CPEB2: variants seen among roughly 807,000 people sequenced by gnomAD.
The protein encoded by CPEB2 is cytoplasmic polyadenylation element binding protein 2, also known as cytoplasmic polyadenylation element-binding protein 2.
In CPEB2, 56 loss-of-function variants were observed where a neutral mutation model predicts 93.6. That is an observed-to-expected ratio of 0.60 (90% confidence interval 0.48 to 0.75). The LOEUF is 0.75. CPEB2 is among the 30% of genes least tolerant of loss of function. The pLI is 0.00. For missense variants in CPEB2, 1,579 were observed against 1,395.1 expected (o/e 1.13, Z -2.10); for synonymous variants, 764 against 586.3 (o/e 1.30, Z -4.38).
intron 11 of CPEB2, among the ~76,000 whole-genome samples, chr4:15,064,402 A>G (rs913862837): frequency 5.9e-5 from 9 of 152,078 alleles, no homozygotes; most frequent in African/African-American, 1.9e-4. Context: ...TTAGCTTCAT[A>G]AAACTAATAT....
chr4:15,049,915 C>T (rs945750843), intron 6 of CPEB2, among the ~76,000 whole-genome samples: 12 of 152,152 alleles, frequency 7.9e-5, no homozygotes, highest in African/African-American at 2.9e-4. Context: ...TCCTTCTTGT[C>T]CCCAACCCAT....
chr4:15,007,673 T>G lies in CPEB2; in HGVS notation c.1944+87T>G, dbSNP rs982995180. Reference sequence around the variant, plus strand: ...TGGTGGTGGTAGTGGTATGCTAAAATTAACATTTTTTGAAATAAAGTTTTA... The same window carrying G: ...TGGTGGTGGTAGTGGTATGCTAAAAGTAACATTTTTTGAAATAAAGTTTTA... On this transcript the variant is annotated intron_variant, in intron 2 of 11. Coordinates refer to ENST00000538197, the MANE Select transcript of CPEB2 (RefSeq NM_001177382.2). 3.8e-6 allele frequency: 3 copies of G among 791,734 alleles called. No homozygotes were observed. In the African/African-American group the frequency reaches 5.3e-5, roughly 14 times the overall value. 49.0% of individuals were successfully genotyped at this position (791,734 alleles called of 1,614,324 possible).
rs1439204533 is a variant in CPEB2 at position 15,066,539 on chromosome 4, C to T, written c.*159C>T. The stretch of plus-strand genomic sequence containing the variant: ...TATCAGCAGCCAAAACACTACAAGC[C>T]TCTTGTTTTTCACCAAAACCCTACA... On this transcript the variant is annotated 3_prime_UTR_variant, in exon 12 of 12. Transcript: ENST00000538197. 1 of 572,394 alleles carries T rather than the reference C, an allele frequency of 1.7e-6. No homozygotes were observed. Among genetic ancestry groups the T allele is most frequent in the African/African-American group, 1.9e-5 (1 of 53,098 alleles). The allele number at this position is 572,394 out of a possible 1,614,324, so 35.5% of individuals were successfully genotyped here. A position where few individuals can be genotyped will look rare whatever the true frequency, so the allele number is the denominator to read the frequency against.
intron 1 of CPEB2, 84 bp from the exon 2 acceptor site, chr4:15,007,221 A>G: frequency 8.5e-7 from 1 of 1,180,112 alleles, no homozygotes; most frequent in Non-Finnish European, 1.1e-6. Context: ...TCATTCATAT[A>G]AATTCTTAGG....
intron 3 of CPEB2, among the ~76,000 whole-genome samples, chr4:15,015,911 T>A (rs900497734): frequency 6.6e-6 from 1 of 152,010 alleles, no homozygotes; most frequent in Admixed American, 6.6e-5. Flanking sequence ...ATAAAAATTA[T>A]GTAAATGTGG....
At position 15,007,570 on chromosome 4, in the gene CPEB2, C is replaced by A. The variant is rs1244773429; in HGVS notation, c.1928C>A (p.Thr643Lys). ...NVFRTDNNSN[T>K]LLPLQVRSSL... ...TTCAGAACAGACAACAATAGTAATACACTCTTACCCTTACAGGTAAGAATG... is the reference window on the plus strand; with the variant it reads ...TTCAGAACAGACAACAATAGTAATAAACTCTTACCCTTACAGGTAAGAATG... Residue 643 changes from threonine to lysine, a missense_variant, in exon 2 of 12, where the codon ACA becomes AAA. Coordinates refer to ENST00000538197, the MANE Select transcript of CPEB2 (RefSeq NM_001177382.2). 2 of 1,586,716 alleles carry A rather than the reference C, an allele frequency of 1.3e-6. No homozygotes were observed. Among genetic ancestry groups the A allele is most frequent in the Admixed American group, 1.7e-5 (1 of 58,124 alleles).
chr4:15,003,528 C>A lies in CPEB2; in HGVS notation c.855C>A (p.Thr285=). The change falls in exon 1 of 12, where the codon ACC becomes ACA. Residue 285 remains threonine (T), a synonymous_variant. Transcript: ENST00000538197. Reference sequence around the variant, plus strand: ...GAGGCGCGGGCAGCCCTCGCAAGACCCCAGCCGCGGGCGAGGGCAGCGCCG... The same window carrying A: ...GAGGCGCGGGCAGCCCTCGCAAGACACCAGCCGCGGGCGAGGGCAGCGCCG... ...RHGGAGSPRK[T]PAAGEGSAAE... is the part of the protein sequence containing the mutation. 6.9e-7 allele frequency: 1 copy of A among 1,449,302 alleles called. No homozygotes were observed. The highest frequency in any genetic ancestry group is 1.3e-5 in the South Asian group (1 of 75,168). 89.8% of individuals were successfully genotyped at this position (1,449,302 alleles called of 1,614,324 possible).
chr4:15,007,264 T>C (rs1486461358), intron 1 of CPEB2, 41 bp from the exon 2 acceptor site: 1 of 1,398,960 alleles, frequency 7.1e-7, no homozygotes, highest in South Asian at 2.0e-5. Context: ...GAATTGTAAA[T>C]TCTTTAAATG....
At chr4:15,010,199 A>C (rs563769787) in intron 3 of CPEB2, among the ~76,000 whole-genome samples, 6 of 152,294 alleles carry the variant, frequency 3.9e-5, no homozygotes, top group Non-Finnish European at 5.9e-5. Context: ...CATAGTTTAT[A>C]GGTTTTCATC....
chr4:15,066,234 T>C lies in CPEB2; in HGVS notation c.2959T>C (p.Phe987Leu), dbSNP rs771853289. ...GARCGGKFAPFFCANVTCLQY... is the reference protein window; with the variant it reads ...GARCGGKFAPLFCANVTCLQY... ...ACGCTGTGGTGGAAAATTTGCTCCC[T>C]TTTTTTGTGCCAATGTCACTTGCCT... is the stretch of plus-strand genomic sequence containing the variant. Residue 987 changes from phenylalanine to leucine, a missense_variant, in exon 12 of 12, where the codon TTT becomes CTT. By Grantham distance (22) the Phe-to-Leu change is conservative. This residue lies in a region of CPEB2 where 168 missense variants were observed against 339.1 expected (regional missense o/e 0.50). Coordinates refer to ENST00000538197, the MANE Select transcript of CPEB2 (RefSeq NM_001177382.2). 6.2e-7 allele frequency: 1 copy of C among 1,613,400 alleles called. No individual in the cohort carries two copies. Among genetic ancestry groups the C allele is most frequent in the Non-Finnish European group, 8.5e-7 (1 of 1,179,504 alleles).
Position 15,067,291 on chromosome 4 carries a change from G to A in CPEB2, c.*911G>A, listed in dbSNP as rs1486131863. 2 of 152,398 alleles carry A rather than the reference G, an allele frequency of 1.3e-5. No homozygotes were observed. The highest frequency in any genetic ancestry group is 2.9e-5 in the Non-Finnish European group (2 of 67,954). 9.4% of individuals were successfully genotyped at this position (152,398 alleles called of 1,614,324 possible). On this transcript the variant is annotated 3_prime_UTR_variant, in exon 12 of 12. Transcript: ENST00000538197. ...ATTGTGACTTCAAGTTTAAAAAATC[G>A]TCTTACATGTGTACAATATGCAAAT...
rs761009366 is a variant in CPEB2 at position 15,062,028 on chromosome 4, T to C, written c.2696-51T>C. 5 of 1,462,456 alleles carry C rather than the reference T, an allele frequency of 3.4e-6. No individual in the cohort carries two copies. The East Asian group carries it at 9.2e-5, about 27-fold the overall frequency. The allele number at this position is 1,462,456 out of a possible 1,614,324, so 90.6% of individuals were successfully genotyped here. ...TTTTACAAAAAGTACTTAAAAATTG[T>C]TGATTACTGTGTTCTCTCACATTTG... On this transcript the variant is annotated intron_variant, in intron 10 of 11. Coordinates refer to ENST00000538197, the MANE Select transcript of CPEB2 (RefSeq NM_001177382.2).
At chr4:15,062,601 C>T (rs1729300623) in intron 11 of CPEB2, among the ~76,000 whole-genome samples, 1 of 151,994 alleles carries the variant, frequency 6.6e-6, no homozygotes, top group Non-Finnish European at 1.5e-5. Flanking sequence ...TACAAATTAA[C>T]CTTCTGTATG....
intron 6 of CPEB2, among the ~76,000 whole-genome samples, chr4:15,048,358 C>T (rs957845578): frequency 3.3e-5 from 5 of 151,740 alleles, no homozygotes; most frequent in African/African-American, 1.2e-4. Flanking sequence ...TTTTCTCTGT[C>T]GGAAGATTTT....
In CPEB2 at chr4:15,003,304, C is replaced by CCGA; in HGVS notation, c.633_634insACG (p.Pro211_Pro212insThr). On this transcript the variant is annotated inframe_insertion, in exon 1 of 12. Coordinates refer to ENST00000538197, the MANE Select transcript of CPEB2 (RefSeq NM_001177382.2). ...CCACTGCCCCGGTCGGTTCAGCCCG[C>CCGA]CGCCGCCGCCAGCCGGCCCGCTCCT... 1 of 1,436,256 alleles carries CCGA rather than the reference C, an allele frequency of 7.0e-7. No individual in the cohort carries two copies. Among genetic ancestry groups the CCGA allele is most frequent in the South Asian group, 1.5e-5 (1 of 67,684 alleles). The allele number at this position is 1,436,256 out of a possible 1,614,324, so 89.0% of individuals were successfully genotyped here. A position where few individuals can be genotyped will look rare whatever the true frequency, so the allele number is the denominator to read the frequency against.
chr4:15,004,182 C>T lies in CPEB2; in HGVS notation c.1509C>T (p.Pro503=). 1 of 1,460,542 alleles carries T rather than the reference C, an allele frequency of 6.8e-7. No homozygotes were observed. The highest frequency in any genetic ancestry group is 9.0e-7 in the Non-Finnish European group (1 of 1,115,556). 90.5% of individuals were successfully genotyped at this position (1,460,542 alleles called of 1,614,324 possible). A position where few individuals can be genotyped will look rare whatever the true frequency, so the allele number is the denominator to read the frequency against. ...CCGCTGTGCCCCCTCCGCCGCCGCC[C>T]GCCATGAATATACCTCAACAGCAGC... ...SATAVPPPPP[P]AMNIPQQQPP... Residue 503 remains proline (P), a synonymous_variant, in exon 1 of 12, where the codon CCC becomes CCT. Coordinates refer to ENST00000538197, the MANE Select transcript of CPEB2 (RefSeq NM_001177382.2).
chr4:15,046,258 G>T (rs1438811650), intron 6 of CPEB2, among the ~76,000 whole-genome samples: 1 of 151,864 alleles, frequency 6.6e-6, no homozygotes, highest in Non-Finnish European at 1.5e-5. Context: ...TTTTGCTCGT[G>T]CTGCCCAGGC....
At chr4:15,011,100 T>C (rs1029061675) in intron 3 of CPEB2, among the ~76,000 whole-genome samples, 4 of 148,948 alleles carry the variant, frequency 2.7e-5, no homozygotes, top group African/African-American at 4.9e-5. Flanking sequence ...GAATTTCTTT[T>C]CTTTTTTTTT....
intron 4 of CPEB2, among the ~76,000 whole-genome samples, chr4:15,029,370 C>T (rs570403853): frequency 5.9e-5 from 9 of 151,770 alleles, no homozygotes; most frequent in South Asian, 2.1e-4. Flanking sequence ...TCGTAATAGA[C>T]GAATAAGAAA....
Sources: gnomAD v4.1 joint callset for allele counts (sites outside exome capture counted in the v4.1 genomes callset) on GRCh38, gnomAD v4.1.1 for gene constraint, gnomAD v4.1.1 regional missense constraint, MANE v1.5 for transcripts, NCBI Gene and HGNC (gene_info 2026-07-23, HGNC 2026-07-21) for gene names.